The following SHROOM2 variants were observed in gnomAD, a reference collection of about 807,000 sequenced individuals.
SHROOM2 encodes the protein protein Shroom2.
In SHROOM2, 33 loss-of-function variants were observed where a neutral mutation model predicts 75.9. That is an observed-to-expected ratio of 0.43 (90% CI 0.33 to 0.58). SHROOM2 has a LOEUF of 0.58. SHROOM2 is among the 20% of genes least tolerant of loss of function. The pLI, the probability that SHROOM2 is intolerant of heterozygous loss-of-function variation, is 0.04. For missense variants in SHROOM2, 1,434 were observed against 1,461.2 expected, an observed-to-expected ratio of 0.98 and a Z score of 0.30; for synonymous variants, 655 against 663.6, an observed-to-expected ratio of 0.99 and a Z score of 0.20.
At chrX:9,828,800 T>A (rs765247346) in intron 1 of SHROOM2, among the ~76,000 whole-genome samples, 7 of 111,522 alleles carry the variant, frequency 6.3e-5, no homozygotes, top group Non-Finnish European at 1.3e-4. Context: ...TGTCTCTTCA[T>A]CCACACATAC....
At position 9,939,350 on chromosome X, in the gene SHROOM2, A is replaced by C. The variant is rs770035799; in HGVS notation, c.4295A>C (p.Asp1432Ala). ...EEDSGSDLDH[D>A]LSVKKQELIE... ...GATTCGGGAAGCGACTTGGACCACG[A>C]CCTGTCGGTGAAGAAGGTAGGAGAG... Residue 1432 changes from aspartate to alanine, a missense_variant, in exon 8 of 10, where the codon GAC becomes GCC. By Grantham distance (126) the Asp-to-Ala change is moderately radical. Transcript: ENST00000380913. 3 of 1,205,299 alleles carry C rather than the reference A, an allele frequency of 2.5e-6. No homozygotes were observed. Among genetic ancestry groups the C allele is most frequent in the Non-Finnish European group, 3.4e-6 (3 of 892,469 alleles).
chrX:9,917,633 G>T (rs2084502860), intron 5 of SHROOM2, among the ~76,000 whole-genome samples: 1 of 111,266 alleles, frequency 9.0e-6, no homozygotes, highest in Admixed American at 9.5e-5. Flanking sequence ...CAGTTCTCCT[G>T]CCTTAGCCTC....
intron 2 of SHROOM2, among the ~76,000 whole-genome samples, chrX:9,882,104 C>A (rs368921387): frequency 5.5e-5 from 6 of 108,471 alleles, no homozygotes; most frequent in East Asian, 5.9e-4. Context: ...TTTCCCTTTG[C>A]GTCTATTTAC....
intron 1 of SHROOM2, among the ~76,000 whole-genome samples, chrX:9,790,275 C>G (rs1447766460): frequency 8.9e-6 from 1 of 111,821 alleles, no homozygotes; most frequent in Non-Finnish European, 1.9e-5. Context: ...CATGCCAAGT[C>G]ACCTCGTGAC....
chrX:9,883,525 G>A (rs965897224), intron 2 of SHROOM2, among the ~76,000 whole-genome samples: 1 of 111,325 alleles, frequency 9.0e-6, no homozygotes, highest in African/African-American at 3.3e-5. Flanking sequence ...TGCTTTATCT[G>A]CCAAGACCCT....
chrX:9,834,474 G>A (rs1601935160), intron 1 of SHROOM2, among the ~76,000 whole-genome samples: 2 of 111,765 alleles, frequency 1.8e-5, no homozygotes, highest in Non-Finnish European at 1.9e-5. Context: ...AGCAGAGCTC[G>A]GTGCTCACTG....
At chrX:9,802,778 G>A (rs915600883) in intron 1 of SHROOM2, among the ~76,000 whole-genome samples, 2 of 111,329 alleles carry the variant, frequency 1.8e-5, no homozygotes, top group East Asian at 2.8e-4. Context: ...TCTGAGCACC[G>A]TTAGGTCCTT....
Position 9,819,348 on chromosome X carries a change from G to C in SHROOM2, c.165+32638G>C, listed in dbSNP as rs915885487. Reference sequence around the variant, plus strand: ...TGGAGGCCAATTAAGCGCCTTTGCAGTGTCAGTCATGTTGACTATAACTGT... The same window carrying C: ...TGGAGGCCAATTAAGCGCCTTTGCACTGTCAGTCATGTTGACTATAACTGT... On this transcript the variant is annotated intron_variant, in intron 1 of 9. Transcript: ENST00000380913. 8.2e-6 allele frequency: 4 copies of C among 490,248 alleles called. No individual in the cohort carries two copies. In the African/African-American group the frequency reaches 9.6e-5, roughly 12 times the overall value. 40.4% of individuals were successfully genotyped at this position (490,248 alleles called of 1,213,427 possible).
Position 9,932,293 on chromosome X carries a change from C to G in SHROOM2, c.3010C>G (p.Leu1004Val), listed in dbSNP as rs1259910161. ...ELSHCRGAPE[L>V]PREGRGRAGT... ...ATCTCACTGCCGGGGAGCCCCAGAGCTGCCCCGGGAGGGCCGGGGCCGAGC... is the reference window on the plus strand; with the variant it reads ...ATCTCACTGCCGGGGAGCCCCAGAGGTGCCCCGGGAGGGCCGGGGCCGAGC... Residue 1004 changes from leucine (L) to valine (V), a missense_variant, in exon 6 of 10, where the codon CTG (leucine) becomes GTG (valine). Physicochemically the swap from Leu to Val is conservative, Grantham distance 32 (BLOSUM62 1). This residue lies in a region of SHROOM2 where 1,340 missense variants were observed against 1,338.3 expected (regional missense o/e 1.00). Coordinates refer to ENST00000380913, the MANE Select transcript of SHROOM2 (RefSeq NM_001649.4). 4 of 1,205,020 alleles carry G rather than the reference C, an allele frequency of 3.3e-6. No individual in the cohort carries two copies. In the Admixed American group the frequency reaches 8.8e-5, roughly 27 times the overall value.
chrX:9,880,129 G>C (rs2084223475), intron 2 of SHROOM2, among the ~76,000 whole-genome samples: 1 of 112,056 alleles, frequency 8.9e-6, no homozygotes, highest in Non-Finnish European at 1.9e-5. Flanking sequence ...CTGGGGACAG[G>C]TCTTGGTGTC....
rs967783725 is a variant in SHROOM2 at position 9,929,309 on chromosome X, T to C, written c.2892-2866T>C. On this transcript the variant is annotated intron_variant, in intron 5 of 9. Transcript: ENST00000380913. The stretch of plus-strand genomic sequence containing the variant: ...TGGGGGGCAAACTTGGTCCAGACAT[T>C]GCTGTGCTGCTGCAGGTCTGAATGA... Among the ~76,000 whole-genome samples the C allele has an allele frequency of 2.7e-5, 3 of 112,293 alleles. No homozygotes were observed. In the Admixed American group the frequency reaches 2.8e-4, roughly 11 times the overall value.
At chrX:9,817,505 G>C in intron 1 of SHROOM2, among the ~76,000 whole-genome samples, 1 of 111,776 alleles carries the variant, frequency 8.9e-6, no homozygotes, top group Middle Eastern at 4.6e-3. Context: ...TAACTTCCCT[G>C]GCTCACCCAA....
intron 5 of SHROOM2, among the ~76,000 whole-genome samples, chrX:9,931,513 G>A (rs761588714): frequency 4.5e-5 from 5 of 110,933 alleles, no homozygotes; most frequent in Admixed American, 9.6e-5. Flanking sequence ...CAGGCATGGT[G>A]GTGGGCACCT....
At chrX:9,905,885 A>G (rs1027695936) in intron 5 of SHROOM2, among the ~76,000 whole-genome samples, 1 of 111,719 alleles carries the variant, frequency 9.0e-6, no homozygotes, top group South Asian at 3.8e-4. Flanking sequence ...GTACCGTGCC[A>G]GCAGAGCTCT....
rs373986332 is a variant in SHROOM2, at chrX:9,894,366, C to T, written c.458C>T (p.Ser153Phe). Reference sequence around the variant, plus strand: ...TCTTCTCATTCTTGCAGTTCTTCCTCCCACGACCTGTCCAGTTCCTGGGAG... The same window carrying T: ...TCTTCTCATTCTTGCAGTTCTTCCTTCCACGACCTGTCCAGTTCCTGGGAG... ...WSGRHHASSS[S>F]HDLSSSWEQT... is the part of the protein sequence containing the mutation. Residue 153 changes from serine (S) to phenylalanine (F), a missense_variant, in exon 4 of 10, where the codon TCC (serine) becomes TTC (phenylalanine). Ser to Phe is a radical substitution (Grantham distance 155). Coordinates refer to ENST00000380913, the MANE Select transcript of SHROOM2 (RefSeq NM_001649.4). 19 of 1,205,614 alleles carry T rather than the reference C, an allele frequency of 1.6e-5. No individual in the cohort carries two copies. The highest frequency in any genetic ancestry group is 2.1e-5 in the Non-Finnish European group (19 of 891,455).
At chrX:9,861,110 T>G (rs963260858) in intron 1 of SHROOM2, among the ~76,000 whole-genome samples, 11 of 112,406 alleles carry the variant, frequency 9.8e-5, no homozygotes, top group African/African-American at 3.6e-4. Flanking sequence ...TAGTTAATGC[T>G]ACTGAACTCC....
At chrX:9,931,767 T>G (rs1412263359) in intron 5 of SHROOM2, among the ~76,000 whole-genome samples, 2 of 112,212 alleles carry the variant, frequency 1.8e-5, no homozygotes, top group Admixed American at 9.5e-5. Flanking sequence ...CAATTTCCCA[T>G]AAGCCACATA....
chrX:9,848,917 C>A (rs749472795), intron 1 of SHROOM2, among the ~76,000 whole-genome samples: 2 of 111,409 alleles, frequency 1.8e-5, no homozygotes, highest in Admixed American at 9.6e-5. Flanking sequence ...TCCATTCATC[C>A]ACTTTGTTCA....
chrX:9,876,996 G>A (rs1332555259), intron 2 of SHROOM2, among the ~76,000 whole-genome samples: 1 of 111,994 alleles, frequency 8.9e-6, no homozygotes, highest in African/African-American at 3.2e-5. Flanking sequence ...AGTGGTTCAC[G>A]GATAAACTCC....
Sources: allele counts gnomAD v4.1 joint callset (sites outside exome capture counted in the v4.1 genomes callset), GRCh38; gene constraint gnomAD v4.1.1; regional missense constraint gnomAD v4.1.1; transcripts MANE v1.5; gene names NCBI Gene and HGNC (gene_info 2026-07-23, HGNC 2026-07-21).